Variants in RNF212B observed in about 807,000 individuals in gnomAD.
RNF212B encodes E3 ubiquitin-protein ligase RNF212B.
Under a neutral mutation model 55.5 loss-of-function variants are expected in RNF212B, and 52 were observed. The observed-to-expected ratio is 0.94, with a 90% CI of 0.75 to 1.18. The LOEUF (loss-of-function observed/expected upper bound fraction) is 1.18. RNF212B is among the 50% of genes most tolerant of loss of function. RNF212B has a pLI of 0.00. For missense variants in RNF212B, 289 were observed against 350.4 expected (o/e 0.82, Z 1.40); for synonymous variants, 99 against 121.4 (o/e 0.82, Z 1.21).
At chr14:23,195,029 G>T (rs1328175479) in intron 2 of RNF212B, among the ~76,000 whole-genome samples, 1 of 151,872 alleles carries the variant, frequency 6.6e-6, no homozygotes, top group African/African-American at 2.4e-5. Context: ...AATTAAAATA[G>T]AAAATAAGGT....
intron 2 of RNF212B, among the ~76,000 whole-genome samples, chr14:23,216,795 G>A (rs1447524729): frequency 7.5e-6 from 1 of 132,880 alleles, no homozygotes; most frequent in Non-Finnish European, 1.5e-5. Context: ...TGGAAAGATT[G>A]CTCAAGCCTG....
At chr14:23,232,585 G>A (rs1398317223) in intron 2 of RNF212B, among the ~76,000 whole-genome samples, 5 of 151,016 alleles carry the variant, frequency 3.3e-5, no homozygotes, top group African/African-American at 1.2e-4. Context: ...CACCCCGTCC[G>A]GGAGGGAGTT....
intron 4 of RNF212B, 116 bp downstream of exon 4, chr14:23,244,512 C>T (rs748445322): frequency 5.2e-6 from 3 of 581,024 alleles, no homozygotes; most frequent in Non-Finnish European, 8.9e-6. Context: ...GGGAAATTGA[C>T]TGCTTTCTTT....
At chr14:23,245,733 C>T (rs1278847473) in intron 4 of RNF212B, among the ~76,000 whole-genome samples, 3 of 152,098 alleles carry the variant, frequency 2.0e-5, no homozygotes, top group Non-Finnish European at 4.4e-5. Context: ...AAATAGTAGC[C>T]CCAACATTTT....
intron 2 of RNF212B, among the ~76,000 whole-genome samples, chr14:23,226,494 G>A (rs1446853235): frequency 5.9e-5 from 9 of 151,930 alleles, no homozygotes; most frequent in South Asian, 2.1e-4. Context: ...AGCCGGACAT[G>A]GCGGCGTGCG....
At chr14:23,214,611 T>C (rs1450638266) in intron 2 of RNF212B, among the ~76,000 whole-genome samples, 1 of 149,912 alleles carries the variant, frequency 6.7e-6, no homozygotes, top group African/African-American at 2.5e-5. Flanking sequence ...TAAACTTCAT[T>C]GGATAGGATC....
At chr14:23,256,852 A>G (rs542936673) in intron 4 of RNF212B, among the ~76,000 whole-genome samples, 1 of 152,264 alleles carries the variant, frequency 6.6e-6, no homozygotes, top group African/African-American at 2.4e-5. Context: ...ACGCCTGGCT[A>G]AATTTTTTAA....
At chr14:23,230,399 A>C (rs560132472) in intron 2 of RNF212B, among the ~76,000 whole-genome samples, 34 of 152,040 alleles carry the variant, frequency 2.2e-4, no homozygotes, top group Middle Eastern at 3.2e-3. Flanking sequence ...TCACGCCTGT[A>C]ATCCCAGCAC....
At chr14:23,186,595 G>T (rs891927052) in intron 1 of RNF212B, among the ~76,000 whole-genome samples, 1 of 152,038 alleles carries the variant, frequency 6.6e-6, no homozygotes, top group Non-Finnish European at 1.5e-5. Context: ...TGATCCACCC[G>T]CCTCGGCCTC....
intron 13 of RNF212B, 118 bp downstream of exon 13, chr14:23,270,078 G>A (rs899776304): frequency 4.5e-6 from 3 of 660,914 alleles, no homozygotes; most frequent in Admixed American, 5.2e-5. Flanking sequence ...ATTGTCTCTA[G>A]TTGGCTCCTT....
intron 14 of RNF212B, among the ~76,000 whole-genome samples, chr14:23,271,930 T>C (rs1041266827): frequency 2.0e-5 from 3 of 152,214 alleles, no homozygotes; most frequent in Non-Finnish European, 2.9e-5. Flanking sequence ...GTTATGTTTT[T>C]AAAAATAGCC....
chr14:23,193,602 T>C (rs758452982), intron 2 of RNF212B, among the ~76,000 whole-genome samples: 50 of 152,236 alleles, frequency 3.3e-4, no homozygotes, highest in Non-Finnish European at 6.3e-4. Context: ...TTTTATCTAA[T>C]GAGTCTAAGA....
At chr14:23,248,741 C>A (rs1382799257) in intron 4 of RNF212B, among the ~76,000 whole-genome samples, 2 of 152,014 alleles carry the variant, frequency 1.3e-5, no homozygotes, top group Non-Finnish European at 2.9e-5. Flanking sequence ...CGCCCGGCCC[C>A]CAAGCCTCTT....
intron 6 of RNF212B, among the ~76,000 whole-genome samples, chr14:23,260,333 T>A (rs1885201172): frequency 6.6e-6 from 1 of 152,246 alleles, no homozygotes; most frequent in Non-Finnish European, 1.5e-5. Flanking sequence ...TGTGTATTTA[T>A]ATAATTTTCC....
At chr14:23,272,605 A>C (rs1886189359) in intron 14 of RNF212B, 1 of 561,538 alleles carries the variant, frequency 1.8e-6, no homozygotes, top group South Asian at 2.1e-5. Flanking sequence ...CATCCTTATT[A>C]TTATCACCAT....
chr14:23,267,090 T>C (rs1885758563), intron 11 of RNF212B, among the ~76,000 whole-genome samples: 1 of 152,168 alleles, frequency 6.6e-6, no homozygotes, highest in East Asian at 1.9e-4. Context: ...CACTTCAGCC[T>C]CCTGAGTAGC....
intron 4 of RNF212B, among the ~76,000 whole-genome samples, chr14:23,252,983 C>T (rs781616549): frequency 2.0e-5 from 3 of 151,994 alleles, no homozygotes; most frequent in Non-Finnish European, 4.4e-5. Context: ...TCTTGTTAAA[C>T]CCTATGAGGA....
intron 2 of RNF212B, among the ~76,000 whole-genome samples, chr14:23,222,929 C>T (rs1490844933): frequency 6.6e-6 from 1 of 151,720 alleles, no homozygotes; most frequent in African/African-American, 2.4e-5. Flanking sequence ...TGGCACGCAC[C>T]TGTAATCCTA....
upstream of RNF212B, among the ~76,000 whole-genome samples, chr14:23,237,862 G>A (rs1255757568): frequency 6.6e-6 from 1 of 151,978 alleles, no homozygotes; most frequent in African/African-American, 2.4e-5. Flanking sequence ...CGCACGCCAC[G>A]GAGCCACGCC....
Sources: gnomAD v4.1 joint callset for allele counts (sites outside exome capture counted in the v4.1 genomes callset) on GRCh38, gnomAD v4.1.1 for gene constraint, MANE v1.5 for transcripts, NCBI Gene and HGNC (gene_info 2026-07-23, HGNC 2026-07-21) for gene names.